BMS1: variants seen among roughly 807,000 people sequenced by gnomAD.
The protein encoded by BMS1 is ribosome biogenesis protein BMS1 homolog.
In BMS1, 53 loss-of-function variants were observed where a neutral mutation model predicts 138.7. The ratio of observed to expected loss-of-function variants is 0.38; its 90% CI spans 0.31 to 0.48. BMS1 has a LOEUF of 0.48. Among genes scored for constraint, BMS1 ranks in the 20% least tolerant of loss-of-function variants. The pLI, the probability that BMS1 is intolerant of heterozygous loss-of-function variation, is 0.97. For missense variants in BMS1, 1,360 were observed against 1,565.5 expected, an observed-to-expected ratio of 0.87 and a Z score of 2.22; for synonymous variants, 504 against 539.9, an observed-to-expected ratio of 0.93 and a Z score of 0.92.
chr10:42,803,536 T>A (rs1166873561), intron 13 of BMS1, among the ~76,000 whole-genome samples: 1 of 152,040 alleles, frequency 6.6e-6, no homozygotes, highest in African/African-American at 2.4e-5. Context: ...ATTATTACTA[T>A]AATTTAGTAC....
At chr10:42,830,572 G>A in intron 22 of BMS1, 150 bp downstream of exon 22, 1 of 1,146,316 alleles carries the variant, frequency 8.7e-7, no homozygotes, top group Non-Finnish European at 1.2e-6. Context: ...CCCTTTCTTT[G>A]CCTGGTCCTG....
chr10:42,794,209 CA>C (rs1240825787), intron 9 of BMS1, among the ~76,000 whole-genome samples: 1 of 152,114 alleles, frequency 6.6e-6, no homozygotes, highest in Non-Finnish European at 1.5e-5. Context: ...CAACAGACCC[CA>C]AATATTCCTC....
At chr10:42,817,173 G>A in intron 14 of BMS1, 145 bp from the exon 15 acceptor site, 2 of 672,718 alleles carry the variant, frequency 3.0e-6, no homozygotes, top group South Asian at 4.0e-5. Context: ...AGAGACAAAG[G>A]TTGTGTTGTG....
At chr10:42,823,376 C>T (rs1842556726) in intron 20 of BMS1, 111 bp downstream of exon 20, 2 of 1,387,150 alleles carry the variant, frequency 1.4e-6, no homozygotes, top group Non-Finnish European at 1.9e-6. Flanking sequence ...CAGCTCCAGC[C>T]TTAGATCTCC....
At chr10:42,784,646 T>G in intron 2 of BMS1, 76 bp downstream of exon 2, 2 of 1,489,612 alleles carry the variant, frequency 1.3e-6, no homozygotes, top group Non-Finnish European at 1.8e-6. Context: ...CAGGTGACAT[T>G]TGGATTCACG....
At position 42,792,582 on chromosome 10, in the gene BMS1, A is replaced by G; in HGVS notation, c.869A>G (p.His290Arg). Residue 290 changes from histidine to arginine, a missense_variant, in exon 7 of 23, where the codon CAC becomes CGC. Transcript: ENST00000374518. Reference protein sequence around the residue: ...VSLYGYLRGAHLKNKSQIHMP... With the variant: ...VSLYGYLRGARLKNKSQIHMP... ...CTTTATGGTTATTTAAGAGGAGCAC[A>G]CTTGAAAAATAAAAGCCAAATTCAC... 1 of 1,610,512 alleles carries G rather than the reference A, an allele frequency of 6.2e-7. No individual in the cohort carries two copies. The highest frequency in any genetic ancestry group is 8.5e-7 in the Non-Finnish European group (1 of 1,179,772).
intron 3 of BMS1, 78 bp downstream of exon 3, chr10:42,785,750 T>C: frequency 1.4e-6 from 2 of 1,446,472 alleles, no homozygotes; most frequent in South Asian, 2.5e-5. Context: ...GTTGTTTTCT[T>C]GAGTGGAACA....
At chr10:42,804,357 T>G (rs185772040) in intron 13 of BMS1, among the ~76,000 whole-genome samples, 232 of 152,354 alleles carry the variant, frequency 1.5e-3, no homozygotes, top group African/African-American at 5.2e-3. Context: ...CCACCATAAC[T>G]TTATGCAACT....
chr10:42,817,468 A>T lies in BMS1; in HGVS notation c.2554A>T (p.Lys852Ter). The change falls in exon 15 of 23, where the codon AAA becomes TAA. Residue 852 changes from lysine to a stop codon, truncating the protein, a stop_gained. Coordinates refer to ENST00000374518, the MANE Select transcript of BMS1 (RefSeq NM_014753.4). LOFTEE classifies it high-confidence loss of function. ...AGAAAGCACATATTTTGATGATCTT[A>T]AAGGAGAAATGCAGAAACAAGCACA... ...EGESTYFDDL[K>*]GEMQKQAQLN... 1 of 1,603,504 alleles carries T rather than the reference A, an allele frequency of 6.2e-7. No individual in the cohort carries two copies. Among genetic ancestry groups the T allele is most frequent in the Non-Finnish European group, 8.5e-7 (1 of 1,178,000 alleles).
chr10:42,802,863 T>C (rs1302955275), intron 13 of BMS1, among the ~76,000 whole-genome samples: 2 of 152,038 alleles, frequency 1.3e-5, no homozygotes, highest in African/African-American at 4.8e-5. Context: ...AATATCTAAG[T>C]AGTTTTATAC....
At chr10:42,788,841 T>C (rs1235301920) in intron 4 of BMS1, among the ~76,000 whole-genome samples, 3 of 152,256 alleles carry the variant, frequency 2.0e-5, no homozygotes, top group Admixed American at 2.0e-4. Context: ...TAGATACATA[T>C]AAACACACAT....
In BMS1 at chr10:42,793,086, G is replaced by C; in HGVS notation, c.1031G>C (p.Gly344Ala). 2 of 1,614,000 alleles carry C rather than the reference G, an allele frequency of 1.2e-6. No homozygotes were observed. Among genetic ancestry groups the C allele is most frequent in the South Asian group, 1.1e-5 (1 of 91,060 alleles). ...TATGCGCCTCTTTCTGGAGTTGGGG[G>C]TGTGCTGTATGACAAAGACGCTGTC... ...LVYAPLSGVG[G>A]VLYDKDAVYV... The change falls in exon 8 of 23, where the codon GGT becomes GCT. Residue 344 changes from glycine (G) to alanine (A), a missense_variant. Transcript: ENST00000374518.
chr10:42,791,590 A>G, intron 5 of BMS1, 37 bp from the exon 6 acceptor site: 1 of 1,560,614 alleles, frequency 6.4e-7, no homozygotes, highest in South Asian at 1.2e-5. Flanking sequence ...TGATAATTTA[A>G]TTGAAATTTA....
chr10:42,810,880 C>T (rs183949028), intron 13 of BMS1, among the ~76,000 whole-genome samples: 2 of 152,090 alleles, frequency 1.3e-5, no homozygotes, highest in Non-Finnish European at 1.5e-5. Flanking sequence ...TTTGATAACC[C>T]CTGTTTTATT....
Position 42,830,371 on chromosome 10 carries a change from G to C in BMS1, c.3567G>C (p.Val1189=). ...KPKTQAKAGK[V]PKDRRRPAVI... is the part of the protein sequence containing the mutation. ...AGACCCAAGCAAAGGCAGGCAAGGT[G>C]CCAAAGGACAGGCGGAGACCGGCCG... Residue 1189 remains valine, a synonymous_variant, in exon 22 of 23, where the codon GTG becomes GTC. Transcript: ENST00000374518. The C allele has an allele frequency of 6.2e-7, 1 of 1,613,896 alleles. No homozygotes were observed.
At chr10:42,828,432 G>T (rs1257712440) in intron 21 of BMS1, among the ~76,000 whole-genome samples, 4 of 152,124 alleles carry the variant, frequency 2.6e-5, no homozygotes, top group Non-Finnish European at 5.9e-5. Flanking sequence ...GTACGGAGGG[G>T]CACACACACT....
chr10:42,792,915 C>T (rs1316177711), intron 7 of BMS1, 42 bp from the exon 8 acceptor site: 1 of 1,582,996 alleles, frequency 6.3e-7, no homozygotes, highest in Non-Finnish European at 8.6e-7. Context: ...ATGCTTCTGA[C>T]TTCTTGTCAG....
In BMS1 at chr10:42,834,005, G is replaced by C. The variant is rs1358745080; in HGVS notation, c.*2909G>C. The C allele has an allele frequency of 6.6e-6, 1 of 152,170 alleles. No homozygotes were observed. Among genetic ancestry groups the C allele is most frequent in the African/African-American group, 2.4e-5 (1 of 41,446 alleles). 9.4% of individuals were successfully genotyped at this position (152,170 alleles called of 1,614,324 possible). A position where few individuals can be genotyped will look rare whatever the true frequency, so the allele number is the denominator to read the frequency against. ...TATGCAAAGTAAGCATTTGCCCTCT[G>C]AAATATTTTAACAATGTTTATAGAA... On this transcript the variant is annotated 3_prime_UTR_variant, in exon 23 of 23. Coordinates refer to ENST00000374518, the MANE Select transcript of BMS1 (RefSeq NM_014753.4).
At chr10:42,785,722 A>C (rs148003235) in intron 3 of BMS1, 50 bp downstream of exon 3, 1 of 1,572,662 alleles carries the variant, frequency 6.4e-7, no homozygotes. Context: ...TTGTCATCTG[A>C]GGGACATGCA....
Sources: gnomAD v4.1 joint callset for allele counts (sites outside exome capture counted in the v4.1 genomes callset) on GRCh38, gnomAD v4.1.1 for gene constraint, MANE v1.5 for transcripts, NCBI Gene and HGNC (gene_info 2026-07-23, HGNC 2026-07-21) for gene names.